FHIT: variants seen among roughly 807,000 people sequenced by gnomAD.
FHIT encodes fragile histidine triad diadenosine triphosphatase.
A neutral mutation model predicts 17.9 loss-of-function variants in FHIT; 19 were observed. The observed-to-expected ratio is 1.06, with a 90% confidence interval of 0.74 to 1.56. The LOEUF (loss-of-function observed/expected upper bound fraction) is 1.56. FHIT is among the 40% of genes most tolerant of loss of function. The pLI, the probability that FHIT is intolerant of heterozygous loss-of-function variation, is 0.00. For missense variants in FHIT, 248 were observed against 189.2 expected (o/e 1.31, Z -1.82); for synonymous variants, 81 against 69.7 (o/e 1.16, Z -0.81).
chr3:60,806,026 A>G (rs1481012866), intron 4 of FHIT, among the ~76,000 whole-genome samples: 8 of 152,250 alleles, frequency 5.3e-5, no homozygotes, highest in East Asian at 1.9e-4. Context: ...AGTGCATAGG[A>G]GGAACTTAAC....
At chr3:60,162,390 C>T (rs114021763) in intron 5 of FHIT, among the ~76,000 whole-genome samples, 171 of 152,260 alleles carry the variant, frequency 1.1e-3, no homozygotes, top group Non-Finnish European at 1.5e-3. Flanking sequence ...AAGTAAGGGT[C>T]GGTTACAAAT....
chr3:60,370,787 C>T (rs938034541), intron 5 of FHIT, among the ~76,000 whole-genome samples: 3 of 152,316 alleles, frequency 2.0e-5, no homozygotes, highest in Non-Finnish European at 4.4e-5. Context: ...CTGGTCTCTT[C>T]CCTCCTATCC....
chr3:60,514,047 A>G (rs951408155), intron 5 of FHIT, among the ~76,000 whole-genome samples: 2 of 152,170 alleles, frequency 1.3e-5, no homozygotes, highest in South Asian at 2.1e-4. Flanking sequence ...TTCCCACTCC[A>G]TTCCCTTTCC....
chr3:60,933,179 G>T (rs1331358353), intron 3 of FHIT, among the ~76,000 whole-genome samples: 1 of 152,166 alleles, frequency 6.6e-6, no homozygotes, highest in Non-Finnish European at 1.5e-5. Flanking sequence ...ACAAAGTTGT[G>T]TGTAGAATAA....
At chr3:60,089,315 T>C (rs1395242468) in intron 5 of FHIT, among the ~76,000 whole-genome samples, 1 of 152,208 alleles carries the variant, frequency 6.6e-6, no homozygotes, top group Non-Finnish European at 1.5e-5. Context: ...TTTTAGTATA[T>C]TTTTGGGTTT....
chr3:59,749,757 C>G (rs1374629648), intron 9 of FHIT, 178 bp from the exon 10 acceptor site: 1 of 227,968 alleles, frequency 4.4e-6, no homozygotes, highest in Non-Finnish European at 8.7e-6. Flanking sequence ...CTGTCCAGAA[C>G]CCAGCATCTA....
At chr3:60,091,720 G>A (rs964612757) in intron 5 of FHIT, among the ~76,000 whole-genome samples, 1 of 152,074 alleles carries the variant, frequency 6.6e-6, no homozygotes, top group African/African-American at 2.4e-5. Flanking sequence ...GTTACCATGA[G>A]ATCTGGCTGT....
At chr3:60,051,095 T>C (rs1575979859) in intron 5 of FHIT, among the ~76,000 whole-genome samples, 3 of 152,078 alleles carry the variant, frequency 2.0e-5, no homozygotes, top group African/African-American at 7.2e-5. Flanking sequence ...AGTAAGGAAG[T>C]AGGGAGCTTC....
intron 2 of FHIT, among the ~76,000 whole-genome samples, chr3:61,052,835 GA>G (rs2034076393): frequency 6.7e-6 from 1 of 150,084 alleles, no homozygotes; most frequent in Non-Finnish European, 1.5e-5. Flanking sequence ...AATTCTTTTA[GA>G]TGTTAATTAA....
chr3:60,666,537 GATTA>G (rs1351445394), intron 4 of FHIT, among the ~76,000 whole-genome samples: 1 of 152,098 alleles, frequency 6.6e-6, no homozygotes, highest in Non-Finnish European at 1.5e-5. Context: ...ATTTTTAAAA[GATTA>G]ATTATGATAT....
chr3:61,163,122 GC>G (rs944594120), intron 2 of FHIT, among the ~76,000 whole-genome samples: 2 of 152,054 alleles, frequency 1.3e-5, no homozygotes, highest in African/African-American at 2.4e-5. Context: ...CCATTTCCCA[GC>G]CTGGAATGTT....
At chr3:61,015,217 T>C (rs2032042204) in intron 3 of FHIT, among the ~76,000 whole-genome samples, 1 of 152,126 alleles carries the variant, frequency 6.6e-6, no homozygotes, top group Non-Finnish European at 1.5e-5. Flanking sequence ...CAACCCCAGG[T>C]AGAGAAAGAC....
intron 5 of FHIT, among the ~76,000 whole-genome samples, chr3:60,516,924 G>A (rs2035181968): frequency 6.6e-6 from 1 of 152,218 alleles, no homozygotes; most frequent in South Asian, 2.1e-4. Context: ...TACAAACTTC[G>A]ACTTCATGGG....
rs78073215 is a variant in FHIT at position 61,196,865 on chromosome 3, A to G, written c.-164+3752T>C. On this transcript the variant is annotated intron_variant, in intron 2 of 9. Transcript: ENST00000492590. ...AATGCTGCAGGGAAGAAAGTAGGGA[A>G]GAATATTTCAACCTCGTGTTCCCAG... Among the ~76,000 whole-genome samples the G allele has an allele frequency of 6.6e-5, 10 of 152,310 alleles. No homozygotes were observed. The East Asian group carries it at 1.7e-3, about 26-fold the overall frequency.
In FHIT at chr3:59,872,316, A is replaced by C. The variant is rs552980787; in HGVS notation, c.348+50030T>G. On this transcript the variant is annotated intron_variant, in intron 8 of 9. Coordinates refer to ENST00000492590, the MANE Select transcript of FHIT (RefSeq NM_002012.4). ...TTACAGGAAGAAACAACCCTAAAGC[A>C]GAATTCACAACATACTGAGTTCATG... Among the ~76,000 whole-genome samples the C allele has an allele frequency of 2.6e-5, 4 of 152,330 alleles. No homozygotes were observed. In the South Asian group the frequency reaches 8.3e-4, roughly 32 times the overall value.
intron 3 of FHIT, among the ~76,000 whole-genome samples, chr3:61,021,582 G>A (rs1440751731): frequency 9.0e-6 from 1 of 111,376 alleles, no homozygotes; most frequent in Admixed American, 1.3e-4. Context: ...CTGGGCGACA[G>A]AGCGAGACTC....
At position 60,039,445 on chromosome 3, in the gene FHIT, A is replaced by G. The variant is rs552621340; in HGVS notation, c.104-25293T>C. On this transcript the variant is annotated intron_variant, in intron 5 of 9. Coordinates refer to ENST00000492590, the MANE Select transcript of FHIT (RefSeq NM_002012.4). Reference sequence around the variant, plus strand: ...AAGTCTAATGCCCCAAACTTCAACAAAGCTAGGTGATGGAAAAATACTGCT... The same window carrying G: ...AAGTCTAATGCCCCAAACTTCAACAGAGCTAGGTGATGGAAAAATACTGCT... Among the ~76,000 whole-genome samples the G allele has an allele frequency of 1.5e-4, 23 of 152,280 alleles. No homozygotes were observed. The South Asian group carries it at 4.8e-3, about 32-fold the overall frequency.
At chr3:60,794,888 T>A (rs371801210) in intron 4 of FHIT, among the ~76,000 whole-genome samples, 4 of 152,336 alleles carry the variant, frequency 2.6e-5, no homozygotes, top group African/African-American at 7.2e-5. Context: ...TCTTTGACTA[T>A]GTAATACATG....
chr3:60,811,607 T>C (rs1316586797), intron 4 of FHIT, among the ~76,000 whole-genome samples: 1 of 152,192 alleles, frequency 6.6e-6, no homozygotes, highest in African/African-American at 2.4e-5. Context: ...ATTTCTTAGC[T>C]AACTAGTAAG....
Sources: allele counts gnomAD v4.1 joint callset (sites outside exome capture counted in the v4.1 genomes callset), GRCh38; gene constraint gnomAD v4.1.1; transcripts MANE v1.5; gene names NCBI Gene and HGNC (gene_info 2026-07-23, HGNC 2026-07-21).